The following NTN1 variants were observed in gnomAD, a reference collection of about 807,000 sequenced individuals.
The protein encoded by NTN1 is netrin 1.
NTN1 carries 11 observed loss-of-function variants against 54.2 expected under a neutral mutation model. The ratio of observed to expected loss-of-function variants is 0.20; its 90% CI spans 0.13 to 0.34. NTN1 has a LOEUF of 0.34. Ranked by LOEUF, NTN1 falls within the 10% of genes least tolerant of loss-of-function variation. The pLI, the probability that NTN1 is intolerant of heterozygous loss-of-function variation, is 1.00. For synonymous variants in NTN1, 371 were observed against 382.0 expected (o/e 0.97, Z 0.33); for missense variants, 740 against 893.1 (o/e 0.83, Z 2.18).
chr17:9,011,565 C>T, the NTN1 span, among the ~76,000 whole-genome samples: 1 of 152,096 alleles, frequency 6.6e-6, no homozygotes. Context: ...TCACTGGTTC[C>T]AGGGATTACA....
intron 2 of NTN1, among the ~76,000 whole-genome samples, chr17:9,119,251 G>A (rs1319495314): frequency 3.3e-5 from 5 of 151,882 alleles, no homozygotes; most frequent in African/African-American, 7.3e-5. Context: ...GCAATGGTGC[G>A]ATCTCGGCTC....
chr17:9,162,409 A>G (rs911228829), intron 2 of NTN1, among the ~76,000 whole-genome samples: 14 of 152,124 alleles, frequency 9.2e-5, no homozygotes, highest in Admixed American at 6.5e-5. Context: ...CCCTCTGGCA[A>G]CGTCCTCACG....
intron 2 of NTN1, among the ~76,000 whole-genome samples, chr17:9,075,491 A>T (rs2092046334): frequency 6.6e-6 from 1 of 152,202 alleles, no homozygotes; most frequent in Admixed American, 6.5e-5. Context: ...AAACAAAAAC[A>T]AAAACAAAAC....
chr17:9,022,785 C>T lies in NTN1; in HGVS notation c.412C>T (p.Leu138Phe). The change falls in exon 2 of 7, where the codon CTC becomes TTC. Residue 138 changes from leucine (L) to phenylalanine (F), a missense_variant. Coordinates refer to ENST00000173229, the MANE Select transcript of NTN1 (RefSeq NM_004822.3). ...FPHNVTLTLS[L>F]GKKFEVTYVS... is the part of the protein sequence containing the mutation. ...GCACAACGTCACGCTCACACTGTCC[C>T]TCGGCAAGAAGTTCGAAGTGACCTA... The T allele has an allele frequency of 6.2e-7, 1 of 1,610,730 alleles. No individual in the cohort carries two copies. Among genetic ancestry groups the T allele is most frequent in the Non-Finnish European group, 8.5e-7 (1 of 1,179,178 alleles).
chr17:9,169,309 G>A (rs1313452799), intron 3 of NTN1, among the ~76,000 whole-genome samples: 3 of 152,234 alleles, frequency 2.0e-5, no homozygotes, highest in African/African-American at 4.8e-5. Flanking sequence ...CTTTGTAGCA[G>A]TGAAGTTTGT....
chr17:9,070,042 C>T (rs1489044685), intron 2 of NTN1, among the ~76,000 whole-genome samples: 1 of 152,118 alleles, frequency 6.6e-6, no homozygotes, highest in Non-Finnish European at 1.5e-5. Context: ...AGCACATACC[C>T]GCCTTCTTCT....
At chr17:9,102,317 G>T (rs1440440611) in intron 2 of NTN1, among the ~76,000 whole-genome samples, 2 of 116,322 alleles carry the variant, frequency 1.7e-5, no homozygotes, top group South Asian at 6.8e-4. Context: ...ATGGCAGAAG[G>T]GGGAGCAAAC....
rs1311222617 is a variant in NTN1 at position 9,165,415 on chromosome 17, A to G, written c.1207+2414A>G. Among the ~76,000 whole-genome samples the G allele has an allele frequency of 1.3e-5, 2 of 152,096 alleles. No individual in the cohort carries two copies. The highest frequency in any genetic ancestry group is 1.3e-4 in the Admixed American group (2 of 15,274). ...GGCATGATATTGCCCACCTTCCTTT[A>G]CTGGTTTGTAGGAGGGCCAGATGCA... On this transcript the variant is annotated intron_variant, in intron 3 of 6. Transcript: ENST00000173229. The surrounding 1 kb of genome is among the most constrained non-coding windows in gnomAD (Gnocchi z 4.5).
In NTN1 at chr17:9,127,187, G is replaced by A. The variant is rs74526804; in HGVS notation, c.1019-35626G>A. 3.6e-3 allele frequency among the ~76,000 whole-genome samples: 548 copies of A among 152,096 alleles called. 3 individuals are homozygous for A. The highest frequency in any genetic ancestry group is 0.012 in the African/African-American group (517 of 41,490). On this transcript the variant is annotated intron_variant, in intron 2 of 6. Transcript: ENST00000173229. ...TGCTATGTTTTAATAAGATTGTCCCGGTTGCTCTGCAGGAGGCAGGGGTAG... is the reference window on the plus strand; with the variant it reads ...TGCTATGTTTTAATAAGATTGTCCCAGTTGCTCTGCAGGAGGCAGGGGTAG...
At chr17:9,236,579 C>T (rs1905998832) in intron 6 of NTN1, among the ~76,000 whole-genome samples, 3 of 152,218 alleles carry the variant, frequency 2.0e-5, no homozygotes, top group African/African-American at 7.2e-5. Context: ...AATCATGAGT[C>T]CTACCACTAC....
At chr17:9,154,156 G>A (rs943205235) in intron 2 of NTN1, among the ~76,000 whole-genome samples, 1 of 152,190 alleles carries the variant, frequency 6.6e-6, no homozygotes, top group African/African-American at 2.4e-5. Context: ...GCCTATGTTT[G>A]GGGGATAGTG....
chr17:9,122,194 C>T (rs1263046139), intron 2 of NTN1, among the ~76,000 whole-genome samples: 2 of 152,164 alleles, frequency 1.3e-5, no homozygotes, highest in African/African-American at 4.8e-5. Flanking sequence ...CCCGCCACCA[C>T]ACCCAGCTAA....
At chr17:9,118,219 A>G (rs2092220534) in intron 2 of NTN1, among the ~76,000 whole-genome samples, 1 of 152,114 alleles carries the variant, frequency 6.6e-6, no homozygotes, top group East Asian at 1.9e-4. Context: ...TAATTCCCCC[A>G]TTTAAAATAT....
At chr17:9,103,897 C>T (rs541682988) in intron 2 of NTN1, among the ~76,000 whole-genome samples, 2 of 151,836 alleles carry the variant, frequency 1.3e-5, no homozygotes, top group South Asian at 4.2e-4. Context: ...ACCAGCCTGA[C>T]CAACTTGGCG....
At chr17:9,145,091 G>A (rs140592949) in intron 2 of NTN1, among the ~76,000 whole-genome samples, 6 of 152,324 alleles carry the variant, frequency 3.9e-5, no homozygotes, top group African/African-American at 7.2e-5. Context: ...CATGAAATCC[G>A]AACTCTGGAG....
intron 2 of NTN1, among the ~76,000 whole-genome samples, chr17:9,060,558 A>G (rs536321002): frequency 6.6e-6 from 1 of 152,322 alleles, no homozygotes; most frequent in African/African-American, 2.4e-5. Flanking sequence ...CCAGCAGTTG[A>G]GGACGGCCAT....
chr17:9,201,200 A>C (rs145590609), intron 5 of NTN1, among the ~76,000 whole-genome samples: 139 of 152,262 alleles, frequency 9.1e-4, no homozygotes, highest in Non-Finnish European at 1.8e-3. Flanking sequence ...TTTGGTCTCT[A>C]TGTCTTTTCC....
chr17:9,222,348 G>T (rs1188755283), intron 6 of NTN1, among the ~76,000 whole-genome samples: 1 of 152,216 alleles, frequency 6.6e-6, no homozygotes, highest in Non-Finnish European at 1.5e-5. Flanking sequence ...AGCACCTCCT[G>T]GCCACCTCTG....
chr17:9,195,100 C>G (rs1433663250), intron 5 of NTN1, among the ~76,000 whole-genome samples: 1 of 152,152 alleles, frequency 6.6e-6, no homozygotes, highest in East Asian at 1.9e-4. Flanking sequence ...TCCCCACCCC[C>G]TCGTCCTTTT....
Sources: allele counts gnomAD v4.1 joint callset (sites outside exome capture counted in the v4.1 genomes callset), GRCh38; gene constraint gnomAD v4.1.1; non-coding constraint Gnocchi (gnomAD v3.1); transcripts MANE v1.5; gene names NCBI Gene and HGNC (gene_info 2026-07-23, HGNC 2026-07-21).